The following ANKRD33B variants were observed in gnomAD, a reference collection of about 807,000 sequenced individuals.
The protein encoded by ANKRD33B is ankyrin repeat domain-containing protein 33B.
A neutral mutation model predicts 21.5 loss-of-function variants in ANKRD33B; 6 were observed. The observed-to-expected ratio is 0.28, with a 90% CI of 0.15 to 0.55. The LOEUF (loss-of-function observed/expected upper bound fraction) is 0.55, where lower values mean the gene tolerates loss of function less well. ANKRD33B is among the 20% of genes least tolerant of loss of function. The probability of loss-of-function intolerance (pLI) is 0.94; values close to 1 mark genes in which losing one functional copy is unlikely to be tolerated. For synonymous variants in ANKRD33B, 347 were observed against 342.4 expected (o/e 1.01, Z -0.15); for missense variants, 698 against 747.2 (o/e 0.93, Z 0.77).
In ANKRD33B at chr5:10,618,199, A is replaced by G; in HGVS notation, c.367-134A>G. The G allele has an allele frequency of 2.5e-6, 3 of 1,208,164 alleles. No individual in the cohort carries two copies. In the Admixed American group the frequency reaches 7.2e-5, roughly 29 times the overall value. 74.8% of individuals were successfully genotyped at this position (1,208,164 alleles called of 1,614,324 possible). On this transcript the variant is annotated intron_variant, in intron 1 of 3. Transcript: ENST00000296657. ...TGGCTCACTCTAAACCATCTCTGAGAATTGGGACTCCAGGTCCCTGTCATT... is the reference window on the plus strand; with the variant it reads ...TGGCTCACTCTAAACCATCTCTGAGGATTGGGACTCCAGGTCCCTGTCATT...
In ANKRD33B at chr5:10,564,342, GC is replaced by G. The variant is rs1734997666; in HGVS notation, c.-125del. 1.5e-6 allele frequency: 1 copy of G among 648,222 alleles called. No individual in the cohort carries two copies. The highest frequency in any genetic ancestry group is 1.9e-6 in the Non-Finnish European group (1 of 518,016). 40.2% of individuals were successfully genotyped at this position (648,222 alleles called of 1,614,324 possible). A position where few individuals can be genotyped will look rare whatever the true frequency, so the allele number is the denominator to read the frequency against. On this transcript the variant is annotated 5_prime_UTR_variant, in exon 1 of 4. Coordinates refer to ENST00000296657, the MANE Select transcript of ANKRD33B (RefSeq NM_001164440.2). ...GCCGCCTGGTGCCGGTTTCCGCCGA[GC>G]TGGAGCGCGCGGGCCACGGCTTCTC...
intron 1 of ANKRD33B, among the ~76,000 whole-genome samples, chr5:10,565,820 C>G (rs531733376): frequency 2.0e-5 from 3 of 152,320 alleles, no homozygotes; most frequent in South Asian, 4.1e-4. Flanking sequence ...TTTGTATTGT[C>G]CAAGGACCGT....
intron 1 of ANKRD33B, among the ~76,000 whole-genome samples, chr5:10,594,390 G>A (rs1198480598): frequency 6.6e-6 from 1 of 151,836 alleles, no homozygotes; most frequent in Non-Finnish European, 1.5e-5. Flanking sequence ...GCTAATTTTT[G>A]TATTTTTAGT....
chr5:10,576,612 G>A lies in ANKRD33B; in HGVS notation c.366+11779G>A, dbSNP rs764674828. 7.2e-5 allele frequency among the ~76,000 whole-genome samples: 11 copies of A among 152,156 alleles called. No homozygotes were observed. Among genetic ancestry groups the A allele is most frequent in the African/African-American group, 2.4e-4 (10 of 41,424 alleles). On this transcript the variant is annotated intron_variant, in intron 1 of 3. Coordinates refer to ENST00000296657, the MANE Select transcript of ANKRD33B (RefSeq NM_001164440.2). This position sits in a 1 kb window ranked among gnomAD's most constrained non-coding sequence, Gnocchi z 4.1. ...CCTAGAGGTTCTAGGCAGAACTAAC[G>A]AGTAAGTTACAGAGAATGTGCTTGT...
rs1475817101 is a variant in ANKRD33B, at chr5:10,650,409, AAG to A, written c.*297_*298del. The A allele has an allele frequency of 4.3e-6, 1 of 230,654 alleles. No homozygotes were observed. The highest frequency in any genetic ancestry group is 2.3e-5 in the African/African-American group (1 of 44,010). The allele number at this position is 230,654 out of a possible 1,614,324, so 14.3% of individuals were successfully genotyped here. Reference sequence around the variant, plus strand: ...ATTTTTTTTAAAGATCAATTTATCAAAGGGCGTTTTCTCCGTAATTTTGTATT... The same window carrying A: ...ATTTTTTTTAAAGATCAATTTATCAAGGCGTTTTCTCCGTAATTTTGTATT... On this transcript the variant is annotated 3_prime_UTR_variant, in exon 4 of 4. Transcript: ENST00000296657.
At chr5:10,595,908 C>T (rs1431683267) in intron 1 of ANKRD33B, among the ~76,000 whole-genome samples, 1 of 152,162 alleles carries the variant, frequency 6.6e-6, no homozygotes. Flanking sequence ...AGGGAGAAGG[C>T]TGAGTGTACC....
At chr5:10,579,015 T>G (rs1403098649) in intron 1 of ANKRD33B, among the ~76,000 whole-genome samples, 1 of 151,706 alleles carries the variant, frequency 6.6e-6, no homozygotes, top group Non-Finnish European at 1.5e-5. Flanking sequence ...AATACAAAAG[T>G]TTTCTGGTCA....
At position 10,564,274 on chromosome 5, in the gene ANKRD33B, C is replaced by T. The variant is rs1314346919; in HGVS notation, c.-194C>T. On this transcript the variant is annotated 5_prime_UTR_variant, in exon 1 of 4. Coordinates refer to ENST00000296657, the MANE Select transcript of ANKRD33B (RefSeq NM_001164440.2). ...AAAGCCCCCGCGGTCCCGCCCACCC[C>T]AGGGGCTCGCTCAGCCTCCGGAGAC... The T allele has an allele frequency of 4.5e-6, 1 of 223,996 alleles. No individual in the cohort carries two copies. Among genetic ancestry groups the T allele is most frequent in the African/African-American group, 2.3e-5 (1 of 42,704 alleles). 13.9% of individuals were successfully genotyped at this position (223,996 alleles called of 1,614,324 possible).
chr5:10,578,811 T>C (rs576448130), intron 1 of ANKRD33B, among the ~76,000 whole-genome samples: 1 of 152,108 alleles, frequency 6.6e-6, no homozygotes, highest in Non-Finnish European at 1.5e-5. Context: ...ATCTCATTTT[T>C]TAGAGATAGT....
rs1053533216 is a variant in ANKRD33B at position 10,576,924 on chromosome 5, G to A, written c.366+12091G>A. Among the ~76,000 whole-genome samples the A allele has an allele frequency of 2.0e-5, 3 of 152,188 alleles. No homozygotes were observed. The highest frequency in any genetic ancestry group is 4.4e-5 in the Non-Finnish European group (3 of 68,028). On this transcript the variant is annotated intron_variant, in intron 1 of 3. Transcript: ENST00000296657. This position sits in a 1 kb window ranked among gnomAD's most constrained non-coding sequence, Gnocchi z 4.1. Reference sequence around the variant, plus strand: ...TGTGGGCACCTCGGATGACGCGAGGGTGGAGCCTGAAACGCTGGCCCAGGA... The same window carrying A: ...TGTGGGCACCTCGGATGACGCGAGGATGGAGCCTGAAACGCTGGCCCAGGA...
rs934864547 is a variant in ANKRD33B, at chr5:10,626,758, A to G, written c.496+8296A>G. On this transcript the variant is annotated intron_variant, in intron 2 of 3. Transcript: ENST00000296657. ...CAAATCCCTGTCGGCGTTTCCCTTT[A>G]TAAGACAGGAAAACATTTCCAGAAG... is the stretch of plus-strand genomic sequence containing the variant. Among the ~76,000 whole-genome samples the G allele has an allele frequency of 5.9e-5, 9 of 152,318 alleles. No individual in the cohort carries two copies. In the South Asian group the frequency reaches 1.5e-3, roughly 25 times the overall value.
chr5:10,587,344 G>A (rs113642044), intron 1 of ANKRD33B, among the ~76,000 whole-genome samples: 4,072 of 152,062 alleles, frequency 0.027, 72 homozygotes, highest in Admixed American at 0.043. Context: ...CAAGTGATCC[G>A]CCTGCTTCAG....
intron 1 of ANKRD33B, among the ~76,000 whole-genome samples, chr5:10,571,910 C>T (rs1400642036): frequency 1.8e-5 from 2 of 109,690 alleles, no homozygotes; most frequent in Non-Finnish European, 2.0e-5. Flanking sequence ...TTTTTTGAGA[C>T]GGAGTTTTGC....
intron 2 of ANKRD33B, among the ~76,000 whole-genome samples, chr5:10,634,418 C>G (rs1298111731): frequency 6.6e-6 from 1 of 151,406 alleles, no homozygotes; most frequent in East Asian, 1.9e-4. Context: ...GAACCAAGTC[C>G]GATTCCATAA....
At chr5:10,596,183 C>G (rs1382098038) in intron 1 of ANKRD33B, among the ~76,000 whole-genome samples, 2 of 152,178 alleles carry the variant, frequency 1.3e-5, no homozygotes, top group African/African-American at 2.4e-5. Context: ...AGTTTAAGTT[C>G]TGAGGCACAT....
chr5:10,605,636 C>G (rs543529719), intron 1 of ANKRD33B, among the ~76,000 whole-genome samples: 5 of 151,948 alleles, frequency 3.3e-5, no homozygotes, highest in Non-Finnish European at 7.4e-5. Context: ...TCAAGTGATT[C>G]TCTTGCCTCA....
chr5:10,643,819 C>CA (rs374365829), intron 3 of ANKRD33B, among the ~76,000 whole-genome samples: 19,407 of 89,130 alleles, frequency 0.22, 2,220 homozygotes, highest in Admixed American at 0.31. Flanking sequence ...GACTCTGTCT[C>CA]AAAAAAAAAA....
intron 1 of ANKRD33B, among the ~76,000 whole-genome samples, chr5:10,608,083 T>A (rs1439543235): frequency 6.6e-6 from 1 of 151,728 alleles, no homozygotes; most frequent in Admixed American, 6.6e-5. Flanking sequence ...GTACGGGGGC[T>A]CACGCCTATA....
chr5:10,646,781 T>G (rs1737197046), intron 3 of ANKRD33B, among the ~76,000 whole-genome samples: 1 of 152,252 alleles, frequency 6.6e-6, no homozygotes, highest in Non-Finnish European at 1.5e-5. Flanking sequence ...CAGTTCCAAA[T>G]AATTACCACT....
Sources: allele counts gnomAD v4.1 joint callset (sites outside exome capture counted in the v4.1 genomes callset), GRCh38; gene constraint gnomAD v4.1.1; non-coding constraint Gnocchi (gnomAD v3.1); transcripts MANE v1.5; gene names NCBI Gene and HGNC (gene_info 2026-07-23, HGNC 2026-07-21).